The following ZNF804A variants were observed in gnomAD, a reference collection of about 807,000 sequenced individuals.
ZNF804A encodes zinc finger protein 804A.
Under a neutral mutation model 16.5 loss-of-function variants are expected in ZNF804A, and 2 were observed. The observed-to-expected ratio is 0.12, with a 90% confidence interval of 0.05 to 0.38. The LOEUF is 0.38. Among genes scored for constraint, ZNF804A ranks in the 10% least tolerant of loss-of-function variants. The pLI is 0.99. For synonymous variants in ZNF804A, 534 were observed against 489.6 expected, an observed-to-expected ratio of 1.09 and a Z score of -1.20; for missense variants, 1,473 against 1,390.7, an observed-to-expected ratio of 1.06 and a Z score of -0.94.
intron 1 of ZNF804A, among the ~76,000 whole-genome samples, chr2:184,794,581 T>C (rs542955578): frequency 6.6e-6 from 1 of 152,050 alleles, no homozygotes; most frequent in African/African-American, 2.4e-5. Flanking sequence ...ACAAAAATAC[T>C]TTTTTAAAGA....
At chr2:184,899,356 T>A (rs1685140131) in intron 2 of ZNF804A, among the ~76,000 whole-genome samples, 1 of 152,072 alleles carries the variant, frequency 6.6e-6, no homozygotes, top group Non-Finnish European at 1.5e-5. Context: ...CTCCAAAATG[T>A]ATTTTTAATA....
At chr2:184,810,523 C>T (rs571756342) in intron 1 of ZNF804A, among the ~76,000 whole-genome samples, 185 of 125,980 alleles carry the variant, frequency 1.5e-3, no homozygotes, top group African/African-American at 5.1e-3. Flanking sequence ...CGGAGTCTCA[C>T]TCTGTCGCCC....
intron 1 of ZNF804A, among the ~76,000 whole-genome samples, chr2:184,752,216 C>T (rs948705398): frequency 6.6e-6 from 1 of 151,654 alleles, no homozygotes; most frequent in Non-Finnish European, 1.5e-5. Flanking sequence ...ATAGCGAAGT[C>T]ATGGAACCAA....
chr2:184,861,430 A>G (rs1420612563), intron 1 of ZNF804A, among the ~76,000 whole-genome samples: 1 of 152,172 alleles, frequency 6.6e-6, no homozygotes, highest in Admixed American at 6.5e-5. Context: ...GGAAATAAGC[A>G]CTAGGGTGTC....
At chr2:184,772,121 TATAAG>T (rs59593177) in intron 1 of ZNF804A, among the ~76,000 whole-genome samples, 1,689 of 152,154 alleles carry the variant, frequency 0.011, 18 homozygotes, top group Non-Finnish European at 0.02. Context: ...TAAACATAAA[TATAAG>T]ATACTGCAGT....
intron 1 of ZNF804A, among the ~76,000 whole-genome samples, chr2:184,823,527 G>A (rs780732256): frequency 3.2e-4 from 48 of 152,184 alleles, no homozygotes; most frequent in African/African-American, 8.2e-4. Flanking sequence ...CCAAAGGGAT[G>A]ACATTAGTCT....
chr2:184,816,973 T>C (rs1326334676), intron 1 of ZNF804A, among the ~76,000 whole-genome samples: 1 of 151,994 alleles, frequency 6.6e-6, no homozygotes, highest in Non-Finnish European at 1.5e-5. Context: ...CTTAAGTACT[T>C]CAGCCATTTA....
At chr2:184,681,354 A>T (rs899432732) in intron 1 of ZNF804A, among the ~76,000 whole-genome samples, 12 of 152,246 alleles carry the variant, frequency 7.9e-5, no homozygotes, top group Admixed American at 2.6e-4. Context: ...TTACCAAACA[A>T]AAAAGACAGC....
chr2:184,736,031 T>A (rs1362687498), intron 1 of ZNF804A, among the ~76,000 whole-genome samples: 2 of 152,176 alleles, frequency 1.3e-5, no homozygotes, highest in African/African-American at 4.8e-5. Context: ...ATGTACCGGA[T>A]CCTGAATAAA....
chr2:184,846,421 C>G (rs1011537307), intron 1 of ZNF804A, among the ~76,000 whole-genome samples: 11 of 151,894 alleles, frequency 7.2e-5, no homozygotes, highest in African/African-American at 2.4e-4. Context: ...AAATAAGTAC[C>G]CTCAATTACT....
chr2:184,640,995 C>T (rs1000112903), intron 1 of ZNF804A, among the ~76,000 whole-genome samples: 1 of 152,170 alleles, frequency 6.6e-6, no homozygotes, highest in Non-Finnish European at 1.5e-5. Flanking sequence ...TGCTCTGTCG[C>T]TCAGGCTGGA....
chr2:184,663,511 C>T (rs1692211386), intron 1 of ZNF804A, among the ~76,000 whole-genome samples: 1 of 151,986 alleles, frequency 6.6e-6, no homozygotes, highest in African/African-American at 2.4e-5. Context: ...ACCTGGGAGC[C>T]ATGGATGATA....
intron 1 of ZNF804A, among the ~76,000 whole-genome samples, chr2:184,764,256 G>T (rs1284782913): frequency 6.6e-6 from 1 of 151,464 alleles, no homozygotes; most frequent in East Asian, 1.9e-4. Context: ...AAATAGTCAT[G>T]AAGCCATCTT....
chr2:184,747,327 A>C (rs574111672), intron 1 of ZNF804A, among the ~76,000 whole-genome samples: 1 of 148,868 alleles, frequency 6.7e-6, no homozygotes, highest in Non-Finnish European at 1.5e-5. Context: ...GCTGCAAAAA[A>C]AAAAAAAAAA....
intron 1 of ZNF804A, among the ~76,000 whole-genome samples, chr2:184,843,512 G>A (rs914248473): frequency 6.6e-6 from 1 of 152,008 alleles, no homozygotes; most frequent in Non-Finnish European, 1.5e-5. Flanking sequence ...GACCTCAGGT[G>A]ATCCACCCAC....
At chr2:184,735,912 A>G (rs902168414) in intron 1 of ZNF804A, among the ~76,000 whole-genome samples, 3 of 152,316 alleles carry the variant, frequency 2.0e-5, no homozygotes, top group African/African-American at 7.2e-5. Context: ...TTTAGCCACC[A>G]CCACCACACA....
intron 1 of ZNF804A, among the ~76,000 whole-genome samples, chr2:184,743,505 G>A (rs1693739158): frequency 6.6e-6 from 1 of 151,866 alleles, no homozygotes; most frequent in South Asian, 2.1e-4. Flanking sequence ...TTGTCTTGAA[G>A]TGCAATAGTA....
chr2:184,728,541 G>A (rs1693459605), intron 1 of ZNF804A, among the ~76,000 whole-genome samples: 1 of 151,960 alleles, frequency 6.6e-6, no homozygotes, highest in East Asian at 1.9e-4. Context: ...AAGATGATAG[G>A]ACTTTGCACC....
chr2:184,800,605 T>C (rs1273016578), intron 1 of ZNF804A, among the ~76,000 whole-genome samples: 1 of 151,722 alleles, frequency 6.6e-6, no homozygotes, highest in Non-Finnish European at 1.5e-5. Flanking sequence ...TCTTAATTTC[T>C]AGTTTACTTT....
Sources: gnomAD v4.1 joint callset for allele counts (sites outside exome capture counted in the v4.1 genomes callset) on GRCh38, gnomAD v4.1.1 for gene constraint, MANE v1.5 for transcripts, NCBI Gene and HGNC (gene_info 2026-07-23, HGNC 2026-07-21) for gene names.